CAMKK2: variants seen among roughly 807,000 people sequenced by gnomAD.
CAMKK2 encodes calcium/calmodulin-dependent protein kinase kinase 2.
Under a neutral mutation model 67.2 loss-of-function variants are expected in CAMKK2, and 30 were observed. The observed-to-expected ratio is 0.45, with a 90% CI of 0.33 to 0.61. The LOEUF is 0.61. Ranked by LOEUF, CAMKK2 falls within the 20% of genes least tolerant of loss-of-function variation. CAMKK2 has a pLI of 0.02. For synonymous variants in CAMKK2, 322 were observed against 326.2 expected (o/e 0.99, Z 0.14); for missense variants, 643 against 802.0 (o/e 0.80, Z 2.39).
At chr12:121,265,842 G>A (rs11612382) in intron 5 of CAMKK2, among the ~76,000 whole-genome samples, 9,318 of 151,592 alleles carry the variant, frequency 0.061, 371 homozygotes, top group Middle Eastern at 0.16. Context: ...TGGTGACAGA[G>A]TGAGACTCTG....
chr12:121,281,917 G>C (rs1329021408), intron 1 of CAMKK2, among the ~76,000 whole-genome samples: 1 of 152,220 alleles, frequency 6.6e-6, no homozygotes, highest in African/African-American at 2.4e-5. Flanking sequence ...TTGCACTCTA[G>C]CCTGGGTGAC....
At position 121,237,941 on chromosome 12, in the gene CAMKK2, C is replaced by T. The variant is rs1887811100; in HGVS notation, c.*2758G>A. On this transcript the variant is annotated 3_prime_UTR_variant, in exon 17 of 17. Coordinates refer to ENST00000404169, the MANE Select transcript of CAMKK2 (RefSeq NM_001270485.2). The surrounding 1 kb of genome is among the most constrained non-coding windows in gnomAD (Gnocchi z 4.5). ...CAGTCCCCAGAAACTCGGCCTCCAG[C>T]TGGAGAGGGGAACCAGCGTACCCTG... 6.6e-6 allele frequency: 1 copy of T among 152,656 alleles called. No homozygotes were observed. The highest frequency in any genetic ancestry group is 1.5e-5 in the Non-Finnish European group (1 of 68,058). The allele number at this position is 152,656 out of a possible 1,614,324, so 9.5% of individuals were successfully genotyped here.
intron 9 of CAMKK2, among the ~76,000 whole-genome samples, chr12:121,255,263 T>TATATATATATAATTATATATATAA (rs1566058513): frequency 8.6e-5 from 2 of 23,132 alleles, no homozygotes; most frequent in African/African-American, 3.2e-4. Flanking sequence ...TATATATAAT[T>TATATATATATAATTATATATATAA]TTATATATAT....
chr12:121,246,655 C>T (rs1395264155), intron 14 of CAMKK2, among the ~76,000 whole-genome samples: 6 of 152,130 alleles, frequency 3.9e-5, no homozygotes, highest in African/African-American at 1.4e-4. Context: ...TGTCACTCCC[C>T]AGGTGAGCCC....
At chr12:121,280,801 G>A (rs1897635489) in intron 1 of CAMKK2, among the ~76,000 whole-genome samples, 1 of 152,064 alleles carries the variant, frequency 6.6e-6, no homozygotes, top group South Asian at 2.1e-4. Flanking sequence ...ATAAATTTTG[G>A]TCAGACCGGT....
chr12:121,276,818 G>A (rs550425090), intron 1 of CAMKK2, among the ~76,000 whole-genome samples: 28 of 149,064 alleles, frequency 1.9e-4, no homozygotes, highest in African/African-American at 6.7e-4. Context: ...CCTGGGAGGC[G>A]GAGGTTGCAG....
At chr12:121,295,042 C>T (rs1900860532) in intron 1 of CAMKK2, among the ~76,000 whole-genome samples, 2 of 152,026 alleles carry the variant, frequency 1.3e-5, no homozygotes, top group South Asian at 2.1e-4. Context: ...TGGTGGTGGG[C>T]GCCTGTAATC....
intron 1 of CAMKK2, among the ~76,000 whole-genome samples, chr12:121,277,703 G>A (rs369131505): frequency 1.3e-5 from 2 of 152,168 alleles, no homozygotes; most frequent in African/African-American, 2.4e-5. Flanking sequence ...GCAGTGGTTC[G>A]CACCTGTAAT....
Position 121,240,288 on chromosome 12 carries a change from A to G in CAMKK2, c.*411T>C, listed in dbSNP as rs1467835765. On this transcript the variant is annotated 3_prime_UTR_variant, in exon 17 of 17. Transcript: ENST00000404169. The surrounding 1 kb of genome is among the most constrained non-coding windows in gnomAD (Gnocchi z 4.4). ...CTACTCCCTCTCAAATGCAGCAACC[A>G]CCTCCATGGCCTCAGACCGCCGGAG... 1.4e-5 allele frequency: 10 copies of G among 727,572 alleles called. No individual in the cohort carries two copies. The highest frequency in any genetic ancestry group is 2.2e-5 in the Non-Finnish European group (10 of 451,818). 45.1% of individuals were successfully genotyped at this position (727,572 alleles called of 1,614,324 possible).
At chr12:121,289,065 TC>T (rs1271174061) in intron 1 of CAMKK2, among the ~76,000 whole-genome samples, 12 of 150,498 alleles carry the variant, frequency 8.0e-5, no homozygotes, top group Non-Finnish European at 1.6e-4. Flanking sequence ...CCAGCACCAA[TC>T]CCCCCACCCC....
chr12:121,248,797 C>A, intron 13 of CAMKK2, 63 bp from the exon 14 acceptor site: 2 of 1,596,146 alleles, frequency 1.3e-6, no homozygotes, highest in Non-Finnish European at 8.6e-7. Context: ...GCCCTGCCAG[C>A]GAGCGGAGCC....
chr12:121,243,907 G>C (rs200682617), intron 16 of CAMKK2: 4 of 1,411,894 alleles, frequency 2.8e-6, no homozygotes, highest in Non-Finnish European at 3.7e-6. Flanking sequence ...GGGAAGGGCA[G>C]TGGGGTCCCC....
intron 1 of CAMKK2, among the ~76,000 whole-genome samples, chr12:121,275,008 A>G (rs984766912): frequency 6.6e-6 from 1 of 150,848 alleles, no homozygotes; most frequent in Non-Finnish European, 1.5e-5. Context: ...GTATAAGAAA[A>G]CCCCCAAATA....
Position 121,239,153 on chromosome 12 carries a change from A to C in CAMKK2, c.*1546T>G, listed in dbSNP as rs893345067. 5.9e-5 allele frequency: 9 copies of C among 152,306 alleles called. No individual in the cohort carries two copies. In the East Asian group the frequency reaches 1.7e-3, roughly 29 times the overall value. The allele number at this position is 152,306 out of a possible 1,614,324, so 9.4% of individuals were successfully genotyped here. On this transcript the variant is annotated 3_prime_UTR_variant, in exon 17 of 17. Coordinates refer to ENST00000404169, the MANE Select transcript of CAMKK2 (RefSeq NM_001270485.2). ...GGGCACGAGGCCTTGCCTTTGTCTG[A>C]GAAGTCCTCACACCACAGCTGATCA...
intron 9 of CAMKK2, 59 bp downstream of exon 9, chr12:121,255,491 C>G: frequency 7.0e-7 from 1 of 1,426,924 alleles, no homozygotes; most frequent in Non-Finnish European, 9.7e-7. Flanking sequence ...CCACTTTGCA[C>G]CCACGCTCAG....
At position 121,270,559 on chromosome 12, in the gene CAMKK2, A is replaced by G. The variant is rs1895556727; in HGVS notation, c.519+339T>C. 2.0e-5 allele frequency among the ~76,000 whole-genome samples: 3 copies of G among 152,058 alleles called. No individual in the cohort carries two copies. The South Asian group carries it at 6.2e-4, about 32-fold the overall frequency. On this transcript the variant is annotated intron_variant, in intron 3 of 16. Coordinates refer to ENST00000404169, the MANE Select transcript of CAMKK2 (RefSeq NM_001270485.2). ...TCTACTGGCATTTGGAGTTTTGACC[A>G]TGGTGATGATACCCCCCATTAGCTA...
rs1351589450 is a variant in CAMKK2 at position 121,296,517 on chromosome 12, A to C, written c.-60+121T>G. The C allele has an allele frequency of 6.6e-6, 1 of 151,936 alleles. No homozygotes were observed. The highest frequency in any genetic ancestry group is 1.5e-5 in the Non-Finnish European group (1 of 67,956). 9.4% of individuals were successfully genotyped at this position (151,936 alleles called of 1,614,324 possible). A position where few individuals can be genotyped will look rare whatever the true frequency, so the allele number is the denominator to read the frequency against. ...CCCTCCGTGTTGGGAGCCCCAGGCC[A>C]GCCTCCGGGCTTTGTGTGCCATGCC... On this transcript the variant is annotated intron_variant, in intron 1 of 16. Transcript: ENST00000404169. The surrounding 1 kb of genome is among the most constrained non-coding windows in gnomAD (Gnocchi z 7.1).
intron 16 of CAMKK2, chr12:121,244,091 T>C: frequency 6.2e-7 from 1 of 1,611,278 alleles, no homozygotes; most frequent in Non-Finnish European, 8.5e-7. Context: ...ACTCTTACGT[T>C]ACTTTGCAAC....
At chr12:121,281,240 A>C (rs1897727465) in intron 1 of CAMKK2, among the ~76,000 whole-genome samples, 1 of 152,244 alleles carries the variant, frequency 6.6e-6, no homozygotes, top group Admixed American at 6.5e-5. Flanking sequence ...CTCATTTCCT[A>C]GGGGCTGTTT....
Sources: gnomAD v4.1 joint callset for allele counts (sites outside exome capture counted in the v4.1 genomes callset) on GRCh38, gnomAD v4.1.1 for gene constraint, Gnocchi (gnomAD v3.1) non-coding constraint, MANE v1.5 for transcripts, NCBI Gene and HGNC (gene_info 2026-07-23, HGNC 2026-07-21) for gene names.